SLC44A5: variants seen among roughly 807,000 people sequenced by gnomAD.
SLC44A5 encodes choline transporter-like protein 5.
Under a neutral mutation model 101.8 loss-of-function variants are expected in SLC44A5, and 57 were observed. The ratio of observed to expected loss-of-function variants is 0.56; its 90% CI spans 0.45 to 0.70. The LOEUF is 0.70. Among genes scored for constraint, SLC44A5 ranks in the 30% least tolerant of loss-of-function variants. The probability of loss-of-function intolerance (pLI) is 0.00; values close to 1 mark genes in which losing one functional copy is unlikely to be tolerated. For synonymous variants in SLC44A5, 281 were observed against 290.9 expected (o/e 0.97, Z 0.35); for missense variants, 737 against 853.1 (o/e 0.86, Z 1.70).
chr1:75,351,099 C>T (rs1277474793), intron 3 of SLC44A5, among the ~76,000 whole-genome samples: 2 of 150,814 alleles, frequency 1.3e-5, no homozygotes, highest in African/African-American at 2.4e-5. Flanking sequence ...ATTACTTTTG[C>T]ACCAACCTAT....
chr1:75,311,617 A>G, intron 4 of SLC44A5: 3 of 972,758 alleles, frequency 3.1e-6, no homozygotes, highest in Non-Finnish European at 3.7e-6. Context: ...TGAGGTACCT[A>G]TTTTGTGCCG....
At chr1:75,241,750 T>A (rs7517907) in intron 9 of SLC44A5, among the ~76,000 whole-genome samples, 2,692 of 152,144 alleles carry the variant, frequency 0.018, 45 homozygotes, top group Non-Finnish European at 0.03. Flanking sequence ...CTGACTGAGC[T>A]TTCAACATTC....
At chr1:75,667,219 C>G in the SLC44A5 span, among the ~76,000 whole-genome samples, 1 of 152,114 alleles carries the variant, frequency 6.6e-6, no homozygotes, top group African/African-American at 2.4e-5. Context: ...AACTGATAAG[C>G]AACTTCAGCA....
At chr1:75,431,798 AGGTC>A (rs1363265218) in intron 2 of SLC44A5, among the ~76,000 whole-genome samples, 1 of 152,210 alleles carries the variant, frequency 6.6e-6, no homozygotes, top group East Asian at 1.9e-4. Context: ...GGGGAGGAAT[AGGTC>A]AGTCCTTTAG....
chr1:75,290,503 G>T (rs1425193216), intron 5 of SLC44A5, among the ~76,000 whole-genome samples: 1 of 152,186 alleles, frequency 6.6e-6, no homozygotes, highest in African/African-American at 2.4e-5. Context: ...AAACCCAGGA[G>T]AAGAAGCTGA....
At chr1:75,709,089 A>G in the SLC44A5 span, among the ~76,000 whole-genome samples, 1 of 152,174 alleles carries the variant, frequency 6.6e-6, no homozygotes, top group Non-Finnish European at 1.5e-5. Flanking sequence ...CAATAACTCA[A>G]CCACTTATGA....
chr1:75,358,187 C>A (rs1659222900), intron 3 of SLC44A5, among the ~76,000 whole-genome samples: 1 of 152,058 alleles, frequency 6.6e-6, no homozygotes, highest in Non-Finnish European at 1.5e-5. Context: ...TAAGTTTGAA[C>A]AGTCAGGTTT....
At chr1:75,430,083 C>A (rs1350995672) in intron 2 of SLC44A5, among the ~76,000 whole-genome samples, 1 of 152,154 alleles carries the variant, frequency 6.6e-6, no homozygotes, top group African/African-American at 2.4e-5. Context: ...TGTCCCCCAA[C>A]ATTTATGTGT....
rs151008621 is a variant in SLC44A5, at chr1:75,405,882, T to TAAA, written c.14-9264_14-9262dup. Among the ~76,000 whole-genome samples, 83 of 118,786 alleles carry TAAA rather than the reference T, an allele frequency of 7.0e-4. 2 individuals carry two copies. Among genetic ancestry groups the TAAA allele is most frequent in the African/African-American group, 2.4e-3 (71 of 29,536 alleles). The allele number at this position is 118,786 out of a possible 152,430, so 77.9% of individuals were successfully genotyped here. A position where few individuals can be genotyped will look rare whatever the true frequency, so the allele number is the denominator to read the frequency against. ...AGAGCAGAACTGAAGGCGATAGAGA[T>TAAA]AAAAAAAAAAAAAACCCTTTAAAAA... is the stretch of plus-strand genomic sequence containing the variant. On this transcript the variant is annotated intron_variant, in intron 2 of 23. Coordinates refer to ENST00000370859, the MANE Select transcript of SLC44A5 (RefSeq NM_001130058.2).
At chr1:75,621,609 C>A in the SLC44A5 span, among the ~76,000 whole-genome samples, 1 of 151,934 alleles carries the variant, frequency 6.6e-6, no homozygotes, top group South Asian at 2.1e-4. Context: ...AATTAACTAC[C>A]GTAGTTTAGA....
the SLC44A5 span, among the ~76,000 whole-genome samples, chr1:75,625,147 A>G: frequency 6.6e-6 from 1 of 152,154 alleles, no homozygotes; most frequent in Admixed American, 6.5e-5. Context: ...CTCCTCCCCT[A>G]GGACTTTCTA....
chr1:75,391,859 G>A (rs976285702), intron 3 of SLC44A5, among the ~76,000 whole-genome samples: 8 of 152,038 alleles, frequency 5.3e-5, no homozygotes, highest in African/African-American at 7.2e-5. Context: ...TAACAACAAC[G>A]ACAAAAAAAT....
the SLC44A5 span, among the ~76,000 whole-genome samples, chr1:75,623,813 A>G: frequency 6.6e-6 from 1 of 152,126 alleles, no homozygotes; most frequent in African/African-American, 2.4e-5. Flanking sequence ...TGAGAGTTAA[A>G]TTTGCACACC....
intron 6 of SLC44A5, among the ~76,000 whole-genome samples, chr1:75,257,790 C>T (rs1026779610): frequency 2.0e-5 from 3 of 152,064 alleles, no homozygotes; most frequent in African/African-American, 7.3e-5. Flanking sequence ...CTCTGGTCTG[C>T]AGCTCCCAGC....
chr1:75,294,811 T>C (rs1459605528), intron 5 of SLC44A5, among the ~76,000 whole-genome samples: 1 of 152,138 alleles, frequency 6.6e-6, no homozygotes, highest in Non-Finnish European at 1.5e-5. Context: ...CTCCTTTATA[T>C]GTGAAATCTA....
At chr1:75,538,633 A>G (rs1255841171) in intron 2 of SLC44A5, among the ~76,000 whole-genome samples, 4 of 152,252 alleles carry the variant, frequency 2.6e-5, no homozygotes, top group Non-Finnish European at 5.9e-5. Context: ...TGAAGAAGGA[A>G]CGAATTGAGG....
the SLC44A5 span, among the ~76,000 whole-genome samples, chr1:75,715,170 C>G: frequency 1.1e-4 from 16 of 152,172 alleles, no homozygotes; most frequent in Non-Finnish European, 1.8e-4. Flanking sequence ...GAAAAACATT[C>G]CATGCTCATG....
intron 5 of SLC44A5, among the ~76,000 whole-genome samples, chr1:75,282,046 G>A (rs144648299): frequency 1.7e-4 from 26 of 152,298 alleles, no homozygotes; most frequent in African/African-American, 6.3e-4. Context: ...CTTGCATGAT[G>A]CAACTGGAAA....
At chr1:75,499,343 A>G (rs965418548) in intron 2 of SLC44A5, among the ~76,000 whole-genome samples, 4 of 152,200 alleles carry the variant, frequency 2.6e-5, no homozygotes, top group African/African-American at 9.6e-5. Flanking sequence ...TCGCACGTGC[A>G]GTTCACAACA....
Sources: allele counts gnomAD v4.1 joint callset (sites outside exome capture counted in the v4.1 genomes callset), GRCh38; gene constraint gnomAD v4.1.1; transcripts MANE v1.5; gene names NCBI Gene and HGNC (gene_info 2026-07-23, HGNC 2026-07-21).